ARHGAP32: variants seen among roughly 807,000 people sequenced by gnomAD.
ARHGAP32 encodes the protein Rho GTPase activating protein 32.
ARHGAP32 carries 51 observed loss-of-function variants against 186.5 expected under a neutral mutation model. The ratio of observed to expected loss-of-function variants is 0.27; its 90% CI spans 0.22 to 0.35. The LOEUF (loss-of-function observed/expected upper bound fraction) is 0.35. Ranked by LOEUF, ARHGAP32 falls within the 10% of genes least tolerant of loss-of-function variation. The pLI, the probability that ARHGAP32 is intolerant of heterozygous loss-of-function variation, is 1.00. For missense variants in ARHGAP32, 2,186 were observed against 2,623.5 expected (o/e 0.83, Z 3.64); for synonymous variants, 950 against 964.3 (o/e 0.99, Z 0.27).
At chr11:129,030,299 T>C (rs1939056035) in intron 11 of ARHGAP32, among the ~76,000 whole-genome samples, 1 of 152,074 alleles carries the variant, frequency 6.6e-6, no homozygotes, top group Non-Finnish European at 1.5e-5. Context: ...CAAAAAGTGT[T>C]GGAAACTGAA....
chr11:129,190,475 CAT>C (rs1279450484), intron 1 of ARHGAP32, among the ~76,000 whole-genome samples: 2 of 152,200 alleles, frequency 1.3e-5, no homozygotes, highest in Non-Finnish European at 2.9e-5. Flanking sequence ...CCTATGGTAT[CAT>C]AGTTTCCTTA....
intron 1 of ARHGAP32, among the ~76,000 whole-genome samples, chr11:129,228,498 A>G (rs895066594): frequency 3.3e-5 from 5 of 152,194 alleles, no homozygotes; most frequent in Non-Finnish European, 7.3e-5. Flanking sequence ...CCCATTTAAA[A>G]GATAACAAAA....
At chr11:129,251,165 T>C (rs926885756) in intron 1 of ARHGAP32, among the ~76,000 whole-genome samples, 1 of 152,192 alleles carries the variant, frequency 6.6e-6, no homozygotes, top group Admixed American at 6.5e-5. Flanking sequence ...AAGGTGCTGA[T>C]GATGAGGTAA....
intron 1 of ARHGAP32, among the ~76,000 whole-genome samples, chr11:129,182,256 T>C (rs909220551): frequency 6.6e-6 from 1 of 152,140 alleles, no homozygotes; most frequent in Non-Finnish European, 1.5e-5. Context: ...TGTCATTCTA[T>C]ATATGTACAA....
chr11:129,255,421 C>A (rs1268921841), intron 1 of ARHGAP32, among the ~76,000 whole-genome samples: 1 of 151,886 alleles, frequency 6.6e-6, no homozygotes, highest in African/African-American at 2.4e-5. Flanking sequence ...AAGATAAAAC[C>A]ATAAAGCTTT....
upstream of ARHGAP32, among the ~76,000 whole-genome samples, chr11:129,192,649 G>A (rs1944292433): frequency 6.6e-6 from 1 of 152,082 alleles, no homozygotes; most frequent in Non-Finnish European, 1.5e-5. Context: ...CACATGAGAA[G>A]CACAGTTATA....
chr11:129,054,912 C>A (rs1249591008), intron 10 of ARHGAP32, among the ~76,000 whole-genome samples: 1 of 152,224 alleles, frequency 6.6e-6, no homozygotes, highest in Non-Finnish European at 1.5e-5. Context: ...CATGGATGAA[C>A]TTATCCTTCT....
rs1945338752 is a variant in ARHGAP32, at chr11:128,970,598, C to T, written c.4615G>A (p.Glu1539Lys). Residue 1539 changes from glutamate (E) to lysine (K), a missense_variant, in exon 23 of 23, where the codon GAG becomes AAG. By Grantham distance (56) the Glu-to-Lys change is moderately conservative (BLOSUM62 1). Transcript: ENST00000682385. The surrounding 1 kb of genome is among the most constrained non-coding windows in gnomAD (Gnocchi z 5.8). ...CGAAGACCCATGGAGGCTGGTGGCT[C>T]TGACCTGGCACCATACACTTGGTGC... is the stretch of plus-strand genomic sequence containing the variant. The part of the protein sequence containing the change: ...EQHQVYGARS[E>K]PPASMGLRYN... 29 of 1,614,174 alleles carry T rather than the reference C, an allele frequency of 1.8e-5. No homozygotes were observed. Among genetic ancestry groups the T allele is most frequent in the Non-Finnish European group, 2.4e-5 (28 of 1,180,032 alleles).
At chr11:129,111,413 A>G (rs1330494468) in intron 5 of ARHGAP32, among the ~76,000 whole-genome samples, 1 of 152,212 alleles carries the variant, frequency 6.6e-6, no homozygotes, top group Non-Finnish European at 1.5e-5. Context: ...TGCTGGCCTC[A>G]TAGAATGAGT....
chr11:128,985,829 T>TGTGC lies in ARHGAP32; in HGVS notation c.1526+173_1526+174insGCAC, dbSNP rs1351945893. 447 of 139,956 alleles carry TGTGC rather than the reference T, an allele frequency of 3.2e-3. 2 individuals carry two copies. Among genetic ancestry groups the TGTGC allele is most frequent in the Non-Finnish European group, 4.7e-3 (359 of 76,512 alleles). The allele number at this position is 139,956 out of a possible 1,614,324, so 8.7% of individuals were successfully genotyped here. A position where few individuals can be genotyped will look rare whatever the true frequency, so the allele number is the denominator to read the frequency against. On this transcript the variant is annotated intron_variant, in intron 15 of 22. Coordinates refer to ENST00000682385, the MANE Select transcript of ARHGAP32 (RefSeq NM_001378024.1). The stretch of plus-strand genomic sequence containing the variant: ...CACATACATATAGTGTGTGTGTGTG[T>TGTGC]GCGTGTGTGTGTGTGTGTGTGTGTG...
In ARHGAP32 at chr11:128,966,887, A is replaced by G. The variant is rs1234164734; in HGVS notation, c.*2020T>C. The G allele has an allele frequency of 1.3e-5, 2 of 152,226 alleles. No homozygotes were observed. The highest frequency in any genetic ancestry group is 6.5e-5 in the Admixed American group (1 of 15,292). 9.4% of individuals were successfully genotyped at this position (152,226 alleles called of 1,614,324 possible). ...TTAAGGTAAAAAAAATTAGTGCCAC[A>G]TATTCACCAAAGGTCATACTCCTGT... On this transcript the variant is annotated 3_prime_UTR_variant, in exon 23 of 23. Transcript: ENST00000682385.
At chr11:128,998,518 T>C in intron 11 of ARHGAP32, 50 bp from the exon 12 acceptor site, 1 of 1,410,652 alleles carries the variant, frequency 7.1e-7, no homozygotes, top group Non-Finnish European at 9.4e-7. Context: ...GAGGTTACAT[T>C]TTACTTAGCA....
intron 2 of ARHGAP32, among the ~76,000 whole-genome samples, chr11:129,134,662 C>T (rs1408102997): frequency 6.6e-6 from 1 of 152,164 alleles, no homozygotes; most frequent in East Asian, 1.9e-4. Flanking sequence ...ATGTTCTGAA[C>T]ATCTGTGTTC....
At chr11:129,033,968 A>C (rs1939219549) in intron 11 of ARHGAP32, among the ~76,000 whole-genome samples, 1 of 152,368 alleles carries the variant, frequency 6.6e-6, no homozygotes, top group Non-Finnish European at 1.5e-5. Flanking sequence ...CAACGTCGTA[A>C]TTAGTGAAGC....
chr11:129,072,755 T>G (rs187342812), intron 6 of ARHGAP32, among the ~76,000 whole-genome samples: 2 of 152,328 alleles, frequency 1.3e-5, no homozygotes, highest in African/African-American at 4.8e-5. Flanking sequence ...CACACTTTTG[T>G]GAGCTCTACT....
rs1209426046 is a variant in ARHGAP32, at chr11:128,967,226, C to G, written c.*1681G>C. On this transcript the variant is annotated 3_prime_UTR_variant, in exon 23 of 23. Coordinates refer to ENST00000682385, the MANE Select transcript of ARHGAP32 (RefSeq NM_001378024.1). ...TTTAAAATAAAAACTGGCATGAATC[C>G]TAATCTTTATACAATTTCACAGCAA... The G allele has an allele frequency of 6.6e-6, 1 of 152,024 alleles. No homozygotes were observed. The highest frequency in any genetic ancestry group is 1.5e-5 in the Non-Finnish European group (1 of 68,004). 9.4% of individuals were successfully genotyped at this position (152,024 alleles called of 1,614,324 possible). A position where few individuals can be genotyped will look rare whatever the true frequency, so the allele number is the denominator to read the frequency against.
intron 5 of ARHGAP32, among the ~76,000 whole-genome samples, chr11:129,109,770 G>A (rs1294036832): frequency 6.6e-6 from 1 of 151,728 alleles, no homozygotes; most frequent in Non-Finnish European, 1.5e-5. Context: ...AATGAGATTT[G>A]TGTTTTTTTA....
chr11:129,219,969 C>T (rs766591917), intron 1 of ARHGAP32, among the ~76,000 whole-genome samples: 4 of 152,058 alleles, frequency 2.6e-5, no homozygotes, highest in Non-Finnish European at 4.4e-5. Flanking sequence ...CCTGGCCATA[C>T]AGTTTTCAAA....
At chr11:129,062,687 T>C (rs1229457443) in intron 9 of ARHGAP32, among the ~76,000 whole-genome samples, 1 of 152,310 alleles carries the variant, frequency 6.6e-6, no homozygotes, top group East Asian at 1.9e-4. Flanking sequence ...CTGTTACTGC[T>C]GTCACTGAGA....
Sources: allele counts gnomAD v4.1 joint callset (sites outside exome capture counted in the v4.1 genomes callset), GRCh38; gene constraint gnomAD v4.1.1; non-coding constraint Gnocchi (gnomAD v3.1); transcripts MANE v1.5; gene names NCBI Gene and HGNC (gene_info 2026-07-23, HGNC 2026-07-21).